SMAD7: variants seen among roughly 807,000 people sequenced by gnomAD.
SMAD7 encodes the protein SMAD family member 7.
Under a neutral mutation model 38.7 loss-of-function variants are expected in SMAD7, and 8 were observed. That is an observed-to-expected ratio of 0.21 (90% CI 0.12 to 0.37). SMAD7 has a LOEUF of 0.37. SMAD7 is among the 10% of genes least tolerant of loss of function. The pLI, the probability that SMAD7 is intolerant of heterozygous loss-of-function variation, is 1.00. For synonymous variants in SMAD7, 327 were observed against 265.1 expected (o/e 1.23, Z -2.27); for missense variants, 477 against 577.9 (o/e 0.83, Z 1.79).
chr18:48,934,616 T>G (rs1044536572), intron 3 of SMAD7, among the ~76,000 whole-genome samples: 2 of 152,164 alleles, frequency 1.3e-5, no homozygotes, highest in African/African-American at 2.4e-5. Context: ...CATGAAAGAT[T>G]CTTTAGTAAA....
At position 48,948,433 on chromosome 18, in the gene SMAD7, A is replaced by G. The variant is rs1165521957; in HGVS notation, c.618T>C (p.Ser206=). Residue 206 remains serine, a synonymous_variant, in exon 2 of 4, where the codon TCT becomes TCC. Coordinates refer to ENST00000262158, the MANE Select transcript of SMAD7 (RefSeq NM_005904.4). ...GGTATCTGGAGTAAGGAGGGGGGGGAGACTCTGAAATTAAAAAAGCAAGAG... is the reference window on the plus strand; with the variant it reads ...GGTATCTGGAGTAAGGAGGGGGGGGGGACTCTGAAATTAAAAAAGCAAGAG... ...HHLSRLCELE[S]PPPPYSRYPM... is the part of the protein sequence containing the mutation. 2.5e-6 allele frequency: 4 copies of G among 1,589,924 alleles called. No individual in the cohort carries two copies. In the Admixed American group the frequency reaches 5.5e-5, roughly 22 times the overall value.
chr18:48,938,056 C>T (rs1055938868), intron 3 of SMAD7, among the ~76,000 whole-genome samples: 1 of 152,334 alleles, frequency 6.6e-6, no homozygotes, highest in South Asian at 2.1e-4. Context: ...TGTTCACGTG[C>T]AGCTGATTAA....
At chr18:48,925,439 C>CT (rs978582610) in intron 3 of SMAD7, among the ~76,000 whole-genome samples, 1 of 150,544 alleles carries the variant, frequency 6.6e-6, no homozygotes, top group African/African-American at 2.4e-5. Context: ...GTTGCCCCCC[C>CT]CCAACCTTCC....
At chr18:48,942,291 G>A (rs535045809) in intron 3 of SMAD7, among the ~76,000 whole-genome samples, 190 bp downstream of exon 3, 5 of 152,174 alleles carry the variant, frequency 3.3e-5, no homozygotes, top group Admixed American at 6.5e-5. Context: ...TGTCCAGAGC[G>A]TAAAGGACTG....
intron 3 of SMAD7, among the ~76,000 whole-genome samples, chr18:48,933,031 G>T (rs1286201004): frequency 5.3e-5 from 8 of 152,166 alleles, no homozygotes; most frequent in Admixed American, 3.9e-4. Context: ...AGGGTCTGGA[G>T]GGTGGATTAT....
intron 3 of SMAD7, among the ~76,000 whole-genome samples, chr18:48,941,778 G>A (rs935995362): frequency 3.3e-5 from 5 of 152,010 alleles, no homozygotes; most frequent in African/African-American, 9.7e-5. Context: ...CCCTCTTTTC[G>A]CATCCTCAGG....
chr18:48,932,948 T>G (rs1281259623), intron 3 of SMAD7, among the ~76,000 whole-genome samples: 1 of 152,148 alleles, frequency 6.6e-6, no homozygotes, highest in East Asian at 1.9e-4. Context: ...TCCCCACCCC[T>G]TGGCCGTGGT....
chr18:48,931,985 C>CA (rs199570461), intron 3 of SMAD7, among the ~76,000 whole-genome samples: 2 of 152,084 alleles, frequency 1.3e-5, no homozygotes, highest in Non-Finnish European at 2.9e-5. Context: ...AACAGCCCCC[C>CA]CAGCAGGGTT....
chr18:48,947,895 C>G (rs569025139), intron 2 of SMAD7, among the ~76,000 whole-genome samples: 61 of 140,966 alleles, frequency 4.3e-4, no homozygotes, highest in African/African-American at 1.4e-3. Flanking sequence ...GGAACCTACC[C>G]CCCCCCCCCT....
chr18:48,937,637 G>C (rs1005683036), intron 3 of SMAD7, among the ~76,000 whole-genome samples: 1 of 152,192 alleles, frequency 6.6e-6, no homozygotes, highest in Non-Finnish European at 1.5e-5. Context: ...CTTCACCAGG[G>C]TGTGGGTGTG....
rs2069839867 is a variant in SMAD7 at position 48,920,249 on chromosome 18, A to G, written c.*1123T>C. The G allele has an allele frequency of 6.6e-6, 1 of 152,646 alleles. No individual in the cohort carries two copies. Among genetic ancestry groups the G allele is most frequent in the East Asian group, 1.9e-4 (1 of 5,202 alleles). 9.5% of individuals were successfully genotyped at this position (152,646 alleles called of 1,614,324 possible). Reference sequence around the variant, plus strand: ...ACCTTTGTAGTTAGAAAAATAGCTTATGTTAAAGTCTAAACATGCTCATTG... The same window carrying G: ...ACCTTTGTAGTTAGAAAAATAGCTTGTGTTAAAGTCTAAACATGCTCATTG... On this transcript the variant is annotated 3_prime_UTR_variant, in exon 4 of 4. Coordinates refer to ENST00000262158, the MANE Select transcript of SMAD7 (RefSeq NM_005904.4).
rs1415832978 is a variant in SMAD7, at chr18:48,950,057, G to A, written c.368C>T (p.Thr123Ile). Residue 123 changes from threonine to isoleucine, a missense_variant, in exon 1 of 4, where the codon ACC (threonine) becomes ATC (isoleucine). Physicochemically the swap from Thr to Ile is moderately conservative, Grantham distance 89. Coordinates refer to ENST00000262158, the MANE Select transcript of SMAD7 (RefSeq NM_005904.4). ...QAVESRGGTR[T>I]ACLLLPGRLD... is the part of the protein sequence containing the mutation. The stretch of plus-strand genomic sequence containing the variant: ...GCGGCCGGGCAGCAGGAGGCACGCG[G>A]TGCGCGTCCCGCCGCGGGACTCCAC... The A allele has an allele frequency of 7.0e-7, 1 of 1,436,098 alleles. No individual in the cohort carries two copies. The allele number at this position is 1,436,098 out of a possible 1,614,324, so 89.0% of individuals were successfully genotyped here. A position where few individuals can be genotyped will look rare whatever the true frequency, so the allele number is the denominator to read the frequency against.
chr18:48,929,320 A>G lies in SMAD7; in HGVS notation c.743-7410T>C, dbSNP rs553412274. ...CTGCTCAGCTGCCTTCCCTCTGGGC[A>G]TGACCCTGGCACCCCCAGGAAGACA... On this transcript the variant is annotated intron_variant, in intron 3 of 3. Transcript: ENST00000262158. Among the ~76,000 whole-genome samples, 49 of 152,170 alleles carry G rather than the reference A, an allele frequency of 3.2e-4. No homozygotes were observed. In the South Asian group the frequency reaches 4.8e-3, roughly 15 times the overall value.
chr18:48,950,400 G>A lies in SMAD7; in HGVS notation c.25C>T (p.Leu9Phe). Reference protein sequence around the residue: MFRTKRSALVRRLWRSRAP... With the variant: MFRTKRSAFVRRLWRSRAP... ...CGGCTCCTCCAGAGACGCCGGACGA[G>A]CGCAGATCGTTTGGTCCTGAACATG... Residue 9 changes from leucine to phenylalanine, a missense_variant, in exon 1 of 4, where the codon CTC (leucine) becomes TTC (phenylalanine). By Grantham distance (22) the Leu-to-Phe change is conservative. Around this residue, in one of 2 missense-constraint regions of SMAD7, gnomAD observed 376 missense variants for 379.4 expected, o/e 0.99. Transcript: ENST00000262158. 6.5e-7 allele frequency: 1 copy of A among 1,549,710 alleles called. No individual in the cohort carries two copies. Among genetic ancestry groups the A allele is most frequent in the Non-Finnish European group, 8.7e-7 (1 of 1,149,324 alleles).
At chr18:48,929,569 T>TCTCACACA (rs3082710) in intron 3 of SMAD7, among the ~76,000 whole-genome samples, 78 of 114,622 alleles carry the variant, frequency 6.8e-4, no homozygotes, top group Non-Finnish European at 8.7e-4. Flanking sequence ...TCTCTCTCTC[T>TCTCACACA]CACTCACACA....
intron 3 of SMAD7, among the ~76,000 whole-genome samples, chr18:48,936,077 A>AACAC (rs74174732): frequency 6.9e-4 from 55 of 79,588 alleles, no homozygotes; most frequent in Middle Eastern, 5.5e-3. Flanking sequence ...TCCATCTCAA[A>AACAC]ACACACACAC....
At chr18:48,939,604 GT>G (rs546324946) in intron 3 of SMAD7, among the ~76,000 whole-genome samples, 21 of 150,428 alleles carry the variant, frequency 1.4e-4, no homozygotes, top group African/African-American at 5.2e-4. Context: ...ACATTCGGCT[GT>G]TTTTTCTTTC....
intron 3 of SMAD7, among the ~76,000 whole-genome samples, chr18:48,938,003 T>C (rs1402885778): frequency 6.6e-6 from 1 of 152,196 alleles, no homozygotes; most frequent in Non-Finnish European, 1.5e-5. Context: ...CAGGCCCAGG[T>C]TCCCAGTTCA....
At chr18:48,942,051 TTGGGATC>T (rs1195307046) in intron 3 of SMAD7, among the ~76,000 whole-genome samples, 3 of 152,192 alleles carry the variant, frequency 2.0e-5, no homozygotes, top group Admixed American at 6.5e-5. Flanking sequence ...CATCGTATGC[TTGGGATC>T]TGTCTTCAAC....
Sources: gnomAD v4.1 joint callset for allele counts (sites outside exome capture counted in the v4.1 genomes callset) on GRCh38, gnomAD v4.1.1 for gene constraint, gnomAD v4.1.1 regional missense constraint, MANE v1.5 for transcripts, NCBI Gene and HGNC (gene_info 2026-07-23, HGNC 2026-07-21) for gene names.